The following ZMIZ1 variants were observed in gnomAD, a reference collection of about 807,000 sequenced individuals.
ZMIZ1 encodes zinc finger MIZ domain-containing protein 1.
In ZMIZ1, 17 loss-of-function variants were observed where a neutral mutation model predicts 113.9. The ratio of observed to expected loss-of-function variants is 0.15; its 90% CI spans 0.10 to 0.22. ZMIZ1 has a LOEUF of 0.22. Ranked by LOEUF, ZMIZ1 falls within the 10% of genes least tolerant of loss-of-function variation. ZMIZ1 has a pLI of 1.00. For synonymous variants in ZMIZ1, 607 were observed against 603.1 expected, an observed-to-expected ratio of 1.01 and a Z score of -0.09; for missense variants, 1,059 against 1,477.8, an observed-to-expected ratio of 0.72 and a Z score of 4.65.
intron 1 of ZMIZ1, among the ~76,000 whole-genome samples, chr10:79,104,730 G>A (rs1843491469): frequency 6.6e-6 from 1 of 152,212 alleles, no homozygotes; most frequent in Non-Finnish European, 1.5e-5. Flanking sequence ...TGGAGGCCGT[G>A]AACCTCACCG....
chr10:79,077,067 C>T (rs1196716245), intron 1 of ZMIZ1, among the ~76,000 whole-genome samples: 3 of 152,094 alleles, frequency 2.0e-5, no homozygotes, highest in African/African-American at 7.2e-5. Flanking sequence ...GCCTTCTCAC[C>T]CCACCCTAGG....
At chr10:79,148,368 C>T (rs907405600) in intron 3 of ZMIZ1, among the ~76,000 whole-genome samples, 5 of 152,208 alleles carry the variant, frequency 3.3e-5, no homozygotes, top group African/African-American at 1.2e-4. Context: ...GAAGCTTAGG[C>T]GTACTTCCCC....
chr10:79,280,123 GACCACAGGCATTC>G (rs1852626963), intron 8 of ZMIZ1, among the ~76,000 whole-genome samples: 1 of 151,962 alleles, frequency 6.6e-6, no homozygotes, highest in South Asian at 2.1e-4. Context: ...AAGTAGCTGG[GACCACAGGCATTC>G]ACCACCACCC....
At chr10:79,274,329 G>T (rs1315889478) in intron 7 of ZMIZ1, among the ~76,000 whole-genome samples, 2 of 152,220 alleles carry the variant, frequency 1.3e-5, no homozygotes, top group Admixed American at 1.3e-4. Flanking sequence ...AAGCATGCAG[G>T]CCAGCCCCGC....
chr10:79,250,119 A>G (rs1019718687), intron 7 of ZMIZ1, among the ~76,000 whole-genome samples: 4 of 152,316 alleles, frequency 2.6e-5, no homozygotes, highest in East Asian at 3.9e-4. Context: ...CATCACTGTC[A>G]GGTGGATTCA....
At chr10:79,283,028 A>G (rs1244180400) in intron 8 of ZMIZ1, among the ~76,000 whole-genome samples, 1 of 152,272 alleles carries the variant, frequency 6.6e-6, no homozygotes, top group Non-Finnish European at 1.5e-5. Flanking sequence ...TTAAAAAGCC[A>G]TTTGTGATTA....
At chr10:79,140,759 C>T (rs547122286) in intron 3 of ZMIZ1, among the ~76,000 whole-genome samples, 6 of 152,208 alleles carry the variant, frequency 3.9e-5, no homozygotes, top group South Asian at 2.1e-4. Flanking sequence ...AGGCCAGGCC[C>T]GCATTAAGGG....
intron 6 of ZMIZ1, among the ~76,000 whole-genome samples, chr10:79,210,114 C>A (rs947780291): frequency 3.9e-5 from 6 of 152,240 alleles, no homozygotes; most frequent in Admixed American, 6.5e-5. Context: ...GCCATGTGGG[C>A]AGGGACAGAT....
At chr10:79,297,583 C>A (rs377455320) in intron 13 of ZMIZ1, 30 bp from the exon 14 acceptor site, 25 of 1,599,692 alleles carry the variant, frequency 1.6e-5, no homozygotes, top group Non-Finnish European at 2.1e-5. Context: ...TTCTGCCCCC[C>A]ACTCAGTGTT....
Position 79,265,660 on chromosome 10 carries a change from A to G in ZMIZ1, c.281-11521A>G, listed in dbSNP as rs373355291. On this transcript the variant is annotated intron_variant, in intron 7 of 24. Transcript: ENST00000334512. ...TTTTCCCCCAAGGAAAACCTCTCTG[A>G]TGTAGGTTCCAGGGGTCAGCTGTCA... is the stretch of plus-strand genomic sequence containing the variant. Among the ~76,000 whole-genome samples the G allele has an allele frequency of 5.9e-5, 9 of 151,828 alleles. No individual in the cohort carries two copies. In the East Asian group the frequency reaches 1.8e-3, roughly 30 times the overall value.
chr10:79,267,262 AGTGT>A lies in ZMIZ1; in HGVS notation c.281-9917_281-9914del, dbSNP rs1851663364. 5.9e-5 allele frequency among the ~76,000 whole-genome samples: 9 copies of A among 152,322 alleles called. No individual in the cohort carries two copies. In the South Asian group the frequency reaches 1.9e-3, roughly 32 times the overall value. On this transcript the variant is annotated intron_variant, in intron 7 of 24. Transcript: ENST00000334512. ...GCACTGTCTGCCCCAGGGAGCACCC[AGTGT>A]GAAGGGGTGGTGTGAGGCTGGGCAC...
chr10:79,114,873 G>A (rs1406572013), intron 1 of ZMIZ1, among the ~76,000 whole-genome samples: 1 of 152,178 alleles, frequency 6.6e-6, no homozygotes, highest in Admixed American at 6.5e-5. Context: ...GTGGGTGGTG[G>A]AGTGGAGTGA....
chr10:79,236,010 G>A (rs1193576923), intron 7 of ZMIZ1, among the ~76,000 whole-genome samples: 5 of 152,184 alleles, frequency 3.3e-5, no homozygotes, highest in Non-Finnish European at 7.4e-5. Context: ...GGAAACAAGG[G>A]CCTCTTTACT....
intron 7 of ZMIZ1, chr10:79,243,684 G>T (rs753766623): frequency 3.3e-6 from 1 of 306,572 alleles, no homozygotes; most frequent in South Asian, 2.2e-5. Flanking sequence ...GCCGCCGGCC[G>T]GGCCCCAAGC....
intron 3 of ZMIZ1, among the ~76,000 whole-genome samples, chr10:79,142,024 G>A (rs143428078): frequency 3.3e-3 from 497 of 152,298 alleles, no homozygotes; most frequent in African/African-American, 0.011. Context: ...AGGCAGGCTC[G>A]CTAGTGAATT....
chr10:79,131,204 G>A (rs1014360417), intron 2 of ZMIZ1, among the ~76,000 whole-genome samples: 7 of 152,308 alleles, frequency 4.6e-5, no homozygotes, highest in African/African-American at 1.7e-4. Context: ...TCACCTCCAA[G>A]AACAATGCAG....
At chr10:79,126,921 G>A (rs1470393579) in intron 2 of ZMIZ1, among the ~76,000 whole-genome samples, 1 of 152,186 alleles carries the variant, frequency 6.6e-6, no homozygotes, top group African/African-American at 2.4e-5. Flanking sequence ...CCCCAGTGGA[G>A]GAGAGCTGAC....
At chr10:79,079,104 C>T (rs1348172418) in intron 1 of ZMIZ1, among the ~76,000 whole-genome samples, 3 of 152,248 alleles carry the variant, frequency 2.0e-5, no homozygotes, top group African/African-American at 7.2e-5. Context: ...CAGCCTCCCA[C>T]TTTTGCTGGC....
At chr10:79,186,627 A>G (rs1378717725) in intron 4 of ZMIZ1, among the ~76,000 whole-genome samples, 1 of 152,282 alleles carries the variant, frequency 6.6e-6, no homozygotes, top group African/African-American at 2.4e-5. Context: ...CACTTAAGCT[A>G]AAACACTGCT....
Sources: allele counts gnomAD v4.1 joint callset (sites outside exome capture counted in the v4.1 genomes callset), GRCh38; gene constraint gnomAD v4.1.1; transcripts MANE v1.5; gene names NCBI Gene and HGNC (gene_info 2026-07-23, HGNC 2026-07-21).